The following AGBL1 variants were observed in gnomAD, a reference collection of about 807,000 sequenced individuals.
AGBL1 encodes cytosolic carboxypeptidase 4.
In AGBL1, 130 loss-of-function variants were observed where a neutral mutation model predicts 118.9. The ratio of observed to expected loss-of-function variants is 1.09; its 90% CI spans 0.95 to 1.26. The LOEUF (loss-of-function observed/expected upper bound fraction) is 1.26. AGBL1 is among the 50% of genes most tolerant of loss of function. The pLI is 0.00. For missense variants in AGBL1, 1,584 were observed against 1,298.1 expected, an observed-to-expected ratio of 1.22 and a Z score of -3.38; for synonymous variants, 555 against 478.9, an observed-to-expected ratio of 1.16 and a Z score of -2.08.
At chr15:86,319,223 G>C (rs1382825046) in intron 17 of AGBL1, among the ~76,000 whole-genome samples, 2 of 152,126 alleles carry the variant, frequency 1.3e-5, no homozygotes, top group Admixed American at 1.3e-4. Flanking sequence ...GGAGCAGGCA[G>C]ATGTTTAACT....
intron 5 of AGBL1, among the ~76,000 whole-genome samples, chr15:86,178,356 G>A (rs1241612718): frequency 2.6e-5 from 4 of 151,996 alleles, no homozygotes; most frequent in Non-Finnish European, 5.9e-5. Context: ...AGACTGATAA[G>A]AAAAAGAGAG....
intron 18 of AGBL1, among the ~76,000 whole-genome samples, chr15:86,456,062 C>A (rs1365165342): frequency 1.3e-5 from 2 of 152,110 alleles, no homozygotes; most frequent in Non-Finnish European, 2.9e-5. Context: ...TATAGATGAA[C>A]AGACTGCAAG....
chr15:86,532,803 G>A (rs1186306680), intron 19 of AGBL1, among the ~76,000 whole-genome samples: 9 of 104,624 alleles, frequency 8.6e-5, no homozygotes, highest in Admixed American at 7.0e-4. Flanking sequence ...CAGAAATAAC[G>A]CCGCTTACCT....
intron 22 of AGBL1, among the ~76,000 whole-genome samples, chr15:86,837,794 A>G (rs551189676): frequency 6.6e-6 from 1 of 152,350 alleles, no homozygotes; most frequent in East Asian, 1.9e-4. Context: ...ACTACATTTC[A>G]GTGGTTAGCT....
chr15:86,818,277 C>T (rs1300623301), intron 22 of AGBL1, among the ~76,000 whole-genome samples: 2 of 152,136 alleles, frequency 1.3e-5, no homozygotes, highest in Non-Finnish European at 2.9e-5. Context: ...TGTTCTGTGG[C>T]CTGTTAGGAA....
intron 17 of AGBL1, among the ~76,000 whole-genome samples, chr15:86,297,713 G>A (rs2079668485): frequency 6.6e-6 from 1 of 152,110 alleles, no homozygotes; most frequent in South Asian, 2.1e-4. Flanking sequence ...TTCATCATGG[G>A]GATTAATTTC....
At chr15:86,260,809 A>G (rs2078970068) in intron 9 of AGBL1, among the ~76,000 whole-genome samples, 1 of 152,190 alleles carries the variant, frequency 6.6e-6, no homozygotes, top group Admixed American at 6.5e-5. Flanking sequence ...CATTACCTGG[A>G]TTAGGTGGGT....
intron 1 of AGBL1, among the ~76,000 whole-genome samples, chr15:86,102,232 G>A (rs1896778410): frequency 6.6e-6 from 1 of 151,942 alleles, no homozygotes; most frequent in South Asian, 2.1e-4. Context: ...GTAGCGATGG[G>A]GTTTTGCCAC....
At chr15:86,548,313 C>A (rs1050911719) in intron 20 of AGBL1, among the ~76,000 whole-genome samples, 1 of 152,098 alleles carries the variant, frequency 6.6e-6, no homozygotes, top group Non-Finnish European at 1.5e-5. Context: ...CGATTATACA[C>A]CCTGTTATAT....
Position 86,674,273 on chromosome 15 carries a change from G to T in AGBL1, c.2995G>T (p.Gly999Cys), listed in dbSNP as rs778758541. 2.5e-6 allele frequency: 4 copies of T among 1,608,582 alleles called. No homozygotes were observed. The highest frequency in any genetic ancestry group is 1.7e-5 in the Admixed American group (1 of 59,450). Residue 999 changes from glycine (G) to cysteine (C), a missense_variant and splice_region_variant, in exon 22 of 23, where the codon GGT (glycine) becomes TGT (cysteine). Transcript: ENST00000614907. Reference protein sequence around the residue: ...YCGCNQGPYQGLQFGTRELEE... With the variant: ...YCGCNQGPYQCLQFGTRELEE... The stretch of plus-strand genomic sequence containing the variant: ...AGTTAATGCTTTGTTTAACTGGCAG[G>T]GTCTACAGTTTGGTACCAGAGAACT...
At chr15:86,490,214 A>G (rs1274821341) in intron 18 of AGBL1, among the ~76,000 whole-genome samples, 3 of 152,068 alleles carry the variant, frequency 2.0e-5, no homozygotes, top group South Asian at 2.1e-4. Context: ...TGAAAGTAAC[A>G]TAATTAGGTA....
intron 21 of AGBL1, among the ~76,000 whole-genome samples, chr15:86,574,624 C>G (rs1403595645): frequency 8.0e-6 from 1 of 124,690 alleles, no homozygotes; most frequent in Non-Finnish European, 1.6e-5. Flanking sequence ...GTCACCCAGG[C>G]TGGAGTGCGA....
intron 22 of AGBL1, among the ~76,000 whole-genome samples, chr15:86,881,820 G>C (rs1379946240): frequency 6.6e-6 from 1 of 152,142 alleles, no homozygotes; most frequent in African/African-American, 2.4e-5. Flanking sequence ...ATTTTTAGTA[G>C]AGATGGAGTT....
intron 1 of AGBL1, among the ~76,000 whole-genome samples, chr15:86,107,019 A>G (rs1263718679): frequency 6.6e-6 from 1 of 152,196 alleles, no homozygotes; most frequent in Non-Finnish European, 1.5e-5. Flanking sequence ...GGAGGAGAAG[A>G]GTATTATAAT....
chr15:86,333,539 G>C (rs191347830), intron 17 of AGBL1, among the ~76,000 whole-genome samples: 8 of 152,150 alleles, frequency 5.3e-5, no homozygotes, highest in Admixed American at 3.9e-4. Context: ...AATCAGTAAT[G>C]AAAAACTTAT....
chr15:87,012,336 T>TG lies in AGBL1; in HGVS notation c.3324-16482dup, dbSNP rs112465278. Reference sequence around the variant, plus strand: ...TTGATTTTTCTCATTTCCATATTTTTGGGGGGGTACTTTCCTACATTGGAG... The same window carrying TG: ...TTGATTTTTCTCATTTCCATATTTTTGGGGGGGGTACTTTCCTACATTGGAG... On this transcript the variant is annotated intron_variant, in intron 24 of 24. Transcript: ENST00000441037. 3.3e-5 allele frequency among the ~76,000 whole-genome samples: 5 copies of TG among 152,008 alleles called. No individual in the cohort carries two copies. In the South Asian group the frequency reaches 6.2e-4, roughly 19 times the overall value.
chr15:86,896,429 G>A (rs1486929961), intron 22 of AGBL1, among the ~76,000 whole-genome samples: 5 of 150,854 alleles, frequency 3.3e-5, no homozygotes, highest in Non-Finnish European at 5.9e-5. Context: ...TGGTAATTTT[G>A]TATTTGTTTC....
chr15:86,432,379 G>C (rs983923476), intron 18 of AGBL1, among the ~76,000 whole-genome samples: 9 of 152,100 alleles, frequency 5.9e-5, no homozygotes, highest in African/African-American at 2.2e-4. Flanking sequence ...TGATGACTTC[G>C]ATAGTTTTGA....
At chr15:86,954,999 C>T (rs78859661) in intron 23 of AGBL1, among the ~76,000 whole-genome samples, 229 of 152,172 alleles carry the variant, frequency 1.5e-3, no homozygotes, top group African/African-American at 5.2e-3. Flanking sequence ...TCAAGTGGTA[C>T]TACATAACTT....
Sources: gnomAD v4.1 joint callset for allele counts (sites outside exome capture counted in the v4.1 genomes callset) on GRCh38, gnomAD v4.1.1 for gene constraint, MANE v1.5 for transcripts, NCBI Gene and HGNC (gene_info 2026-07-23, HGNC 2026-07-21) for gene names.